Variants in ADAM19 observed in about 807,000 individuals in gnomAD.
The protein encoded by ADAM19 is disintegrin and metalloproteinase domain-containing protein 19.
A neutral mutation model predicts 114.7 loss-of-function variants in ADAM19; 65 were observed. The observed-to-expected ratio is 0.57, with a 90% CI of 0.46 to 0.70. The LOEUF (loss-of-function observed/expected upper bound fraction) is 0.70, where lower values mean the gene tolerates loss of function less well. ADAM19 is among the 30% of genes least tolerant of loss of function. ADAM19 has a pLI of 0.00. For missense variants in ADAM19, 1,063 were observed against 1,204.7 expected, an observed-to-expected ratio of 0.88 and a Z score of 1.74; for synonymous variants, 466 against 460.5, an observed-to-expected ratio of 1.01 and a Z score of -0.15.
chr5:157,524,915 G>GT (rs1756412151), intron 5 of ADAM19, among the ~76,000 whole-genome samples: 3 of 152,240 alleles, frequency 2.0e-5, no homozygotes, highest in Admixed American at 1.3e-4. Flanking sequence ...AGCGCAAAGT[G>GT]TTTTATTCGA....
chr5:157,536,337 T>C (rs1208648334), intron 4 of ADAM19, among the ~76,000 whole-genome samples: 2 of 152,030 alleles, frequency 1.3e-5, no homozygotes, highest in African/African-American at 4.8e-5. Flanking sequence ...CTACTAAAAA[T>C]ACAAAATTAG....
intron 3 of ADAM19, among the ~76,000 whole-genome samples, chr5:157,557,689 G>A (rs1757404851): frequency 6.6e-6 from 1 of 152,102 alleles, no homozygotes; most frequent in South Asian, 2.1e-4. Flanking sequence ...GTCTAGTGAG[G>A]GCCCTCTCTC....
chr5:157,529,734 G>A (rs1756572093), intron 5 of ADAM19, among the ~76,000 whole-genome samples: 1 of 152,160 alleles, frequency 6.6e-6, no homozygotes, highest in South Asian at 2.1e-4. Flanking sequence ...CACAACTGCA[G>A]GCATATATTC....
chr5:157,513,636 G>A, intron 7 of ADAM19, 131 bp from the exon 8 acceptor site: 1 of 783,316 alleles, frequency 1.3e-6, no homozygotes, highest in Non-Finnish European at 2.1e-6. Context: ...TTATGCAATT[G>A]TCTTCCCCAC....
At position 157,492,963 on chromosome 5, in the gene ADAM19, G is replaced by A; in HGVS notation, c.1908+10C>T. 6.2e-7 allele frequency: 1 copy of A among 1,614,016 alleles called. No homozygotes were observed. The highest frequency in any genetic ancestry group is 1.1e-5 in the South Asian group (1 of 91,080). On this transcript the variant is annotated intron_variant, in intron 16 of 22. Coordinates refer to ENST00000257527, the MANE Select transcript of ADAM19 (RefSeq NM_033274.5). ...AGCTGGCTCCTAGGTGAGCAGGGGA[G>A]GGGACTCACATGGTTGTAGCCACAC... is the stretch of plus-strand genomic sequence containing the variant.
intron 12 of ADAM19, among the ~76,000 whole-genome samples, chr5:157,501,173 A>G (rs1755551415): frequency 6.6e-6 from 1 of 152,130 alleles, no homozygotes; most frequent in African/African-American, 2.4e-5. Flanking sequence ...GGCTCCAGGA[A>G]GACCTGTATT....
Position 157,478,693 on chromosome 5 carries a change from A to C in ADAM19, c.*2256T>G, listed in dbSNP as rs1754665387. ...GAACTGGTTGCCGAAAGTCTATCAA[A>C]TTCCAAAACATTCCACCATCTTCCA... On this transcript the variant is annotated 3_prime_UTR_variant, in exon 23 of 23. Transcript: ENST00000257527. 1 of 985,906 alleles carries C rather than the reference A, an allele frequency of 1.0e-6. No homozygotes were observed. The highest frequency in any genetic ancestry group is 6.1e-5 in the Admixed American group (1 of 16,288). 61.1% of individuals were successfully genotyped at this position (985,906 alleles called of 1,614,324 possible).
intron 14 of ADAM19, among the ~76,000 whole-genome samples, chr5:157,496,083 G>A (rs1309358872): frequency 2.6e-5 from 4 of 151,714 alleles, no homozygotes; most frequent in African/African-American, 9.7e-5. Context: ...AGGATTACAG[G>A]TGCAAGCCAC....
chr5:157,572,384 A>G (rs947311955), intron 1 of ADAM19: 15 of 406,616 alleles, frequency 3.7e-5, no homozygotes, highest in Non-Finnish European at 6.0e-5. Flanking sequence ...ACAAAATGGT[A>G]ATTTCCCGAC....
Position 157,484,441 on chromosome 5 carries a change from G to A in ADAM19, c.2551-2498C>T, listed in dbSNP as rs115347643. On this transcript the variant is annotated intron_variant, in intron 21 of 22. Transcript: ENST00000257527. ...GGGGCAAAGAATGACTGTCCCACCC[G>A]CAGGCCCCCAAGCTGTTGGGGTTTA... is the stretch of plus-strand genomic sequence containing the variant. 9.5e-3 allele frequency among the ~76,000 whole-genome samples: 1,447 copies of A among 152,162 alleles called. 32 individuals carry two copies. The highest frequency in any genetic ancestry group is 0.032 in the African/African-American group (1,344 of 41,486).
At chr5:157,524,597 T>A (rs1756400600) in intron 5 of ADAM19, among the ~76,000 whole-genome samples, 1 of 152,196 alleles carries the variant, frequency 6.6e-6, no homozygotes, top group Admixed American at 6.5e-5. Context: ...CTACCCTTCT[T>A]TCCTCTCCCC....
intron 2 of ADAM19, chr5:157,568,278 G>A (rs912663415): frequency 5.3e-5 from 8 of 152,200 alleles, no homozygotes; most frequent in African/African-American, 1.9e-4. Flanking sequence ...CCCGCCAGGA[G>A]TAGTAATCTT....
intron 5 of ADAM19, among the ~76,000 whole-genome samples, 184 bp downstream of exon 5, chr5:157,530,623 A>G (rs768162638): frequency 4.6e-5 from 7 of 152,156 alleles, no homozygotes; most frequent in Non-Finnish European, 7.4e-5. Context: ...TTAAATCCCA[A>G]TGGATTTCTG....
intron 2 of ADAM19, 78 bp downstream of exon 2, chr5:157,570,817 T>C: frequency 7.9e-7 from 1 of 1,261,832 alleles, no homozygotes; most frequent in Non-Finnish European, 1.1e-6. Flanking sequence ...ATGACTGGGA[T>C]TCTAAGAAAG....
In ADAM19 at chr5:157,480,839, G is replaced by A. The variant is rs1754723021; in HGVS notation, c.*110C>T. The A allele has an allele frequency of 4.5e-6, 7 of 1,560,408 alleles. No individual in the cohort carries two copies. The highest frequency in any genetic ancestry group is 6.1e-6 in the Non-Finnish European group (7 of 1,155,650). ...GGAGATGTGGAGGTTCCTGGAGGAG[G>A]GTGGGAGGAGCTCAGAGGCGGCCAG... On this transcript the variant is annotated 3_prime_UTR_variant, in exon 23 of 23. Transcript: ENST00000257527.
chr5:157,489,366 A>G (rs1755071645), intron 19 of ADAM19, among the ~76,000 whole-genome samples, 180 bp from the exon 20 acceptor site: 1 of 152,208 alleles, frequency 6.6e-6, no homozygotes, highest in Non-Finnish European at 1.5e-5. Context: ...ACGTGTGGCC[A>G]ATGGAGAACT....
chr5:157,547,171 A>T (rs897539138), intron 3 of ADAM19, among the ~76,000 whole-genome samples: 4 of 152,190 alleles, frequency 2.6e-5, no homozygotes, highest in African/African-American at 9.7e-5. Flanking sequence ...GTGACTAGGA[A>T]TTATTACCTA....
intron 8 of ADAM19, 73 bp from the exon 9 acceptor site, chr5:157,509,540 G>T: frequency 8.4e-7 from 1 of 1,189,458 alleles, no homozygotes; most frequent in Non-Finnish European, 1.1e-6. Flanking sequence ...CTTTCATTCT[G>T]GTGGAGCTTG....
chr5:157,553,293 C>G (rs958256211), intron 3 of ADAM19, among the ~76,000 whole-genome samples: 1 of 151,492 alleles, frequency 6.6e-6, no homozygotes, highest in Non-Finnish European at 1.5e-5. Context: ...TCTTGTACCC[C>G]GTAAATATAT....
Sources: allele counts gnomAD v4.1 joint callset (sites outside exome capture counted in the v4.1 genomes callset), GRCh38; gene constraint gnomAD v4.1.1; transcripts MANE v1.5; gene names NCBI Gene and HGNC (gene_info 2026-07-23, HGNC 2026-07-21).